The following ARID1B variants were observed in gnomAD, a reference collection of about 807,000 sequenced individuals.
ARID1B encodes AT-rich interaction domain 1B.
A neutral mutation model predicts 212.3 loss-of-function variants in ARID1B; 30 were observed. That is an observed-to-expected ratio of 0.14 (90% CI 0.11 to 0.19). ARID1B has a LOEUF of 0.19. ARID1B is among the 10% of genes least tolerant of loss of function. ARID1B has a pLI of 1.00. For synonymous variants in ARID1B, 1,402 were observed against 1,301.7 expected (o/e 1.08, Z -1.66); for missense variants, 2,891 against 3,204.0 (o/e 0.90, Z 2.36).
intron 3 of ARID1B, among the ~76,000 whole-genome samples, chr6:156,931,827 T>C (rs1253551163): frequency 2.0e-5 from 3 of 151,830 alleles, no homozygotes; most frequent in Non-Finnish European, 4.4e-5. Flanking sequence ...CAAGGCATGG[T>C]GGCGCATGCC....
At chr6:156,930,723 A>AT (rs1485242798) in intron 3 of ARID1B, among the ~76,000 whole-genome samples, 1 of 152,234 alleles carries the variant, frequency 6.6e-6, no homozygotes, top group Non-Finnish European at 1.5e-5. Context: ...ATAAAAAAAA[A>AT]GAATAAAGTA....
Position 156,778,687 on chromosome 6 carries a change from A to G in ARID1B, c.1007A>G (p.Asp336Gly), listed in dbSNP as rs2114982512. Residue 336 changes from aspartate to glycine, a missense_variant, in exon 1 of 20, where the codon GAT becomes GGT. This residue lies in a region of ARID1B where 1,643 missense variants were observed against 1,544.0 expected (regional missense o/e 1.06). Transcript: ENST00000636930. ...GGCGGCCGCGCTGGGCCTTGCTTTG[A>G]TCAACATGGCGGACAACAAAGCCCC... ...GPGGRAGPCF[D>G]QHGGQQSPGM... The G allele has an allele frequency of 3.4e-6, 5 of 1,485,000 alleles. No individual in the cohort carries two copies. Among genetic ancestry groups the G allele is most frequent in the African/African-American group, 1.5e-5 (1 of 67,878 alleles). The allele number at this position is 1,485,000 out of a possible 1,614,324, so 92.0% of individuals were successfully genotyped here. A position where few individuals can be genotyped will look rare whatever the true frequency, so the allele number is the denominator to read the frequency against.
chr6:157,102,947 C>T (rs920204784), intron 5 of ARID1B, among the ~76,000 whole-genome samples: 3 of 152,130 alleles, frequency 2.0e-5, no homozygotes, highest in African/African-American at 4.8e-5. Flanking sequence ...ACAGGGATCA[C>T]AAACTACAGC....
intron 16 of ARID1B, among the ~76,000 whole-genome samples, chr6:157,198,146 G>T (rs1022635288): frequency 1.3e-5 from 2 of 152,076 alleles, no homozygotes; most frequent in African/African-American, 4.8e-5. Flanking sequence ...GTTGAAAAAT[G>T]AATGTATTAT....
In ARID1B at chr6:157,067,236, C is replaced by T. The variant is rs867858936; in HGVS notation, c.2248-17426C>T. ...GTGTTTAAGGCTGAATGGCTAGTAACCAGTAGAAGTAAGGAGTGAACCAAG... is the reference window on the plus strand; with the variant it reads ...GTGTTTAAGGCTGAATGGCTAGTAATCAGTAGAAGTAAGGAGTGAACCAAG... On this transcript the variant is annotated intron_variant, in intron 4 of 19. Coordinates refer to ENST00000636930, the MANE Select transcript of ARID1B (RefSeq NM_001374828.1). Among the ~76,000 whole-genome samples the T allele has an allele frequency of 3.9e-5, 6 of 152,326 alleles. 1 individual carries two copies. The Middle Eastern group carries it at 0.02, about 518-fold the overall frequency.
At chr6:156,781,281 CTT>C (rs368353818) in intron 1 of ARID1B, among the ~76,000 whole-genome samples, 62 of 150,222 alleles carry the variant, frequency 4.1e-4, no homozygotes, top group African/African-American at 1.4e-3. Context: ...GCCCCATAAT[CTT>C]TTTTTTTTCT....
chr6:156,965,757 AT>A (rs1433854609), intron 4 of ARID1B, among the ~76,000 whole-genome samples: 1 of 152,112 alleles, frequency 6.6e-6, no homozygotes, highest in Non-Finnish European at 1.5e-5. Context: ...GAACAATAAG[AT>A]TTTTTTATTG....
intron 2 of ARID1B, among the ~76,000 whole-genome samples, chr6:156,836,340 C>G (rs1047295622): frequency 1.3e-5 from 2 of 152,122 alleles, no homozygotes; most frequent in Non-Finnish European, 2.9e-5. Context: ...CCGTGACTGC[C>G]CTGTGAGTCA....
chr6:157,092,011 G>T (rs1429405610), intron 5 of ARID1B, among the ~76,000 whole-genome samples: 1 of 152,242 alleles, frequency 6.6e-6, no homozygotes, highest in East Asian at 1.9e-4. Flanking sequence ...CAAGGAAGAT[G>T]CATGCTGCTT....
At chr6:157,065,797 A>G (rs1783641448) in intron 4 of ARID1B, among the ~76,000 whole-genome samples, 1 of 152,366 alleles carries the variant, frequency 6.6e-6, no homozygotes, top group Non-Finnish European at 1.5e-5. Context: ...CTCTAATGCC[A>G]TGACAAATGA....
intron 4 of ARID1B, among the ~76,000 whole-genome samples, chr6:156,997,994 C>T (rs1026178276): frequency 6.6e-6 from 1 of 152,112 alleles, no homozygotes; most frequent in African/African-American, 2.4e-5. Flanking sequence ...AATATGGGGT[C>T]TATTTTACCT....
rs1391252811 is a variant in ARID1B at position 157,210,074 on chromosome 6, A to T, written c.*2183A>T. 1 of 232,802 alleles carries T rather than the reference A, an allele frequency of 4.3e-6. No homozygotes were observed. Among genetic ancestry groups the T allele is most frequent in the African/African-American group, 2.2e-5 (1 of 45,284 alleles). 14.4% of individuals were successfully genotyped at this position (232,802 alleles called of 1,614,324 possible). On this transcript the variant is annotated 3_prime_UTR_variant, in exon 20 of 20. Coordinates refer to ENST00000636930, the MANE Select transcript of ARID1B (RefSeq NM_001374828.1). ...GCAGTTACAGTCATTGTGAGACGTG[A>T]CTCTCCAGTGTCACGAGGAAAAAAA...
At chr6:157,056,268 A>T (rs1782947847) in intron 4 of ARID1B, among the ~76,000 whole-genome samples, 1 of 152,294 alleles carries the variant, frequency 6.6e-6, no homozygotes, top group East Asian at 1.9e-4. Context: ...GATTTTAGAG[A>T]TACAAAGGTC....
intron 4 of ARID1B, among the ~76,000 whole-genome samples, chr6:157,056,706 A>T (rs545891140): frequency 2.8e-4 from 42 of 152,356 alleles, no homozygotes; most frequent in Non-Finnish European, 5.1e-4. Context: ...ATGCTCAGAA[A>T]AAATTTTTGT....
rs9372027 is a variant in ARID1B, at chr6:156,924,327, G to A, written c.2137-11139G>A. 7.1e-4 allele frequency among the ~76,000 whole-genome samples: 108 copies of A among 152,290 alleles called. No homozygotes were observed. The East Asian group carries it at 0.017, about 24-fold the overall frequency. ...TTTCCCTAGATCTTAGCAACCTCAG[G>A]ATGTGCTATTTTTTTCTTTGCTTAT... On this transcript the variant is annotated intron_variant, in intron 3 of 19. Transcript: ENST00000636930.
chr6:156,842,171 G>C (rs1783944700), intron 2 of ARID1B, among the ~76,000 whole-genome samples: 1 of 152,138 alleles, frequency 6.6e-6, no homozygotes, highest in South Asian at 2.1e-4. Flanking sequence ...GTTCAATAAT[G>C]TTTACTGCAG....
rs1219072710 is a variant in ARID1B, at chr6:156,980,991, AT to A, written c.2247+45416del. On this transcript the variant is annotated intron_variant, in intron 4 of 19. Coordinates refer to ENST00000636930, the MANE Select transcript of ARID1B (RefSeq NM_001374828.1). ...TTTATTTTGTTGTTTACATTGTAGC[AT>A]AAACATCTGTGTAATCATGGCAGGT... Among the ~76,000 whole-genome samples, 3 of 152,350 alleles carry A rather than the reference AT, an allele frequency of 2.0e-5. No individual in the cohort carries two copies. The East Asian group carries it at 5.8e-4, about 29-fold the overall frequency.
At chr6:156,918,089 A>G (rs1790501125) in intron 3 of ARID1B, among the ~76,000 whole-genome samples, 1 of 152,202 alleles carries the variant, frequency 6.6e-6, no homozygotes, top group South Asian at 2.1e-4. Flanking sequence ...CTTTCAAAGG[A>G]GCTTAACTTA....
chr6:157,117,550 T>C (rs1787402494), intron 6 of ARID1B, among the ~76,000 whole-genome samples: 1 of 152,178 alleles, frequency 6.6e-6, no homozygotes, highest in South Asian at 2.1e-4. Flanking sequence ...TGAGTTCAAC[T>C]GAGCTTCCCC....
Sources: gnomAD v4.1 joint callset for allele counts (sites outside exome capture counted in the v4.1 genomes callset) on GRCh38, gnomAD v4.1.1 for gene constraint, gnomAD v4.1.1 regional missense constraint, MANE v1.5 for transcripts, NCBI Gene and HGNC (gene_info 2026-07-23, HGNC 2026-07-21) for gene names.